Variants in MGA observed in about 807,000 individuals in gnomAD.
The protein encoded by MGA is MAX gene-associated protein.
Under a neutral mutation model 261.1 loss-of-function variants are expected in MGA, and 40 were observed. The observed-to-expected ratio is 0.15, with a 90% CI of 0.12 to 0.20. The LOEUF is 0.20. Among genes scored for constraint, MGA ranks in the 10% least tolerant of loss-of-function variants. MGA has a pLI of 1.00. For missense variants in MGA, 3,397 were observed against 3,630.5 expected, an observed-to-expected ratio of 0.94 and a Z score of 1.65; for synonymous variants, 1,302 against 1,290.6, an observed-to-expected ratio of 1.01 and a Z score of -0.19.
At chr15:41,693,905 G>T (rs1417473167) in intron 2 of MGA, among the ~76,000 whole-genome samples, 1 of 152,100 alleles carries the variant, frequency 6.6e-6, no homozygotes, top group Non-Finnish European at 1.5e-5. Flanking sequence ...GATTATTGGG[G>T]ATATTTAATT....
chr15:41,696,302 A>G lies in MGA; in HGVS notation c.1292A>G (p.Asn431Ser), dbSNP rs764153763. Residue 431 changes from asparagine (N) to serine (S), a missense_variant, in exon 3 of 24, where the codon AAT becomes AGT. Physicochemically the swap from Asn to Ser is conservative, Grantham distance 46. This residue lies in a region of MGA where 563 missense variants were observed against 563.6 expected (regional missense o/e 1.00). Transcript: ENST00000219905. ...CTAGAGAAACAGCTAAAGAGGCACA[A>G]TAAAGTTGACAACCCAGAAGCTGAC... The G allele has an allele frequency of 2.4e-5, 39 of 1,613,812 alleles. No individual in the cohort carries two copies. Among genetic ancestry groups the G allele is most frequent in the Non-Finnish European group, 2.5e-5 (30 of 1,179,898 alleles).
At chr15:41,627,210 A>G (rs1283191135) in intron 1 of MGA, among the ~76,000 whole-genome samples, 4 of 152,158 alleles carry the variant, frequency 2.6e-5, no homozygotes, top group African/African-American at 9.7e-5. Context: ...GCCTATTATA[A>G]TTAAGGAACC....
intron 1 of MGA, among the ~76,000 whole-genome samples, chr15:41,622,095 T>C (rs1434250587): frequency 6.6e-6 from 1 of 152,136 alleles, no homozygotes. Context: ...CCTGTGGTTT[T>C]CCAGCGTCTT....
rs748167733 is a variant in MGA at position 41,668,958 on chromosome 15, C to T, written c.64C>T (p.Pro22Ser). 1.2e-6 allele frequency: 2 copies of T among 1,610,796 alleles called. No individual in the cohort carries two copies. Among genetic ancestry groups the T allele is most frequent in the Non-Finnish European group, 1.7e-6 (2 of 1,177,674 alleles). Residue 22 changes from proline to serine, a missense_variant, in exon 2 of 24, where the codon CCT becomes TCT. Pro to Ser is a moderately conservative substitution (Grantham distance 74, BLOSUM62 -1). Coordinates refer to ENST00000219905, the MANE Select transcript of MGA (RefSeq NM_001164273.2). ...TGGTGGAACAGTGGCAGGAGCAGCA[C>T]CTACCTTCTTTGTCATCTTAAAGCA...
intron 22 of MGA, 37 bp from the exon 23 acceptor site, chr15:41,764,849 C>T (rs368746110): frequency 1.0e-5 from 16 of 1,605,734 alleles, no homozygotes; most frequent in African/African-American, 1.3e-5. Flanking sequence ...CAGCTGAATG[C>T]CTTTTATCTA....
intron 1 of MGA, among the ~76,000 whole-genome samples, chr15:41,626,505 C>T (rs549586610): frequency 1.3e-5 from 2 of 152,242 alleles, no homozygotes; most frequent in South Asian, 4.1e-4. Context: ...TCACTGCAAT[C>T]TCTGCCTCCC....
chr15:41,666,865 A>G (rs2150917204), intron 1 of MGA, among the ~76,000 whole-genome samples: 1 of 152,348 alleles, frequency 6.6e-6, no homozygotes, highest in Middle Eastern at 3.4e-3. Context: ...ATTTAAAATA[A>G]AGTCCTATAG....
chr15:41,704,758 A>C (rs185864827), intron 5 of MGA, among the ~76,000 whole-genome samples: 233 of 152,326 alleles, frequency 1.5e-3, no homozygotes, highest in Non-Finnish European at 2.7e-3. Flanking sequence ...GTGTTTATAG[A>C]ACTATAAACA....
chr15:41,730,906 C>T lies in MGA; in HGVS notation c.3843+1557C>T, dbSNP rs189657932. ...CCAATGCTGTTACCAGGCAAGTAAA[C>T]GCTGAGGCTGTGAAAAGAAGAAACT... On this transcript the variant is annotated intron_variant, in intron 11 of 23. Coordinates refer to ENST00000219905, the MANE Select transcript of MGA (RefSeq NM_001164273.2). Among the ~76,000 whole-genome samples, 11 of 152,182 alleles carry T rather than the reference C, an allele frequency of 7.2e-5. No homozygotes were observed. The South Asian group carries it at 1.7e-3, about 23-fold the overall frequency.
In MGA at chr15:41,727,221, C is replaced by G; in HGVS notation, c.3472C>G (p.Pro1158Ala). ...GCCTGAACAGCCTGTTCGACATTAC[C>G]CATTATGGGTAAAAGTAGAAGGTGA... Residue 1158 changes from proline to alanine, a missense_variant, in exon 10 of 24, where the codon CCA (proline) becomes GCA (alanine). By Grantham distance (27) the Pro-to-Ala change is conservative (BLOSUM62 -1). Transcript: ENST00000219905. The G allele has an allele frequency of 6.2e-7, 1 of 1,613,826 alleles. No individual in the cohort carries two copies. Among genetic ancestry groups the G allele is most frequent in the Non-Finnish European group, 8.5e-7 (1 of 1,179,856 alleles).
In MGA at chr15:41,696,323, C is replaced by G. The variant is rs995091824; in HGVS notation, c.1313C>G (p.Ala438Gly). ...CACAATAAAGTTGACAACCCAGAAG[C>G]TGACCATCTATCTTCTAAATGGCTT... is the stretch of plus-strand genomic sequence containing the variant. The change falls in exon 3 of 24, where the codon GCT becomes GGT. Residue 438 changes from alanine to glycine, a missense_variant. Coordinates refer to ENST00000219905, the MANE Select transcript of MGA (RefSeq NM_001164273.2). The G allele has an allele frequency of 1.2e-6, 2 of 1,613,800 alleles. No homozygotes were observed. Among genetic ancestry groups the G allele is most frequent in the African/African-American group, 2.7e-5 (2 of 74,918 alleles).
rs76922689 is a variant in MGA, at chr15:41,749,557, A to G, written c.5950A>G (p.Ile1984Val). 4.3e-6 allele frequency: 7 copies of G among 1,613,838 alleles called. No individual in the cohort carries two copies. Among genetic ancestry groups the G allele is most frequent in the African/African-American group, 2.7e-5 (2 of 74,930 alleles). The change falls in exon 17 of 24, where the codon ATA (isoleucine) becomes GTA (valine). Residue 1984 changes from isoleucine (I) to valine (V), a missense_variant. Physicochemically the swap from Ile to Val is conservative, Grantham distance 29. Around this residue, in one of 9 missense-constraint regions of MGA, gnomAD observed 1,410 missense variants for 1,386.4 expected, o/e 1.02. Transcript: ENST00000219905. The stretch of plus-strand genomic sequence containing the variant: ...AGACCAGAAAGATGAAACAAACTCA[A>G]TAAAAAGAGAGCAAGAAACGAAGAA...
intron 9 of MGA, among the ~76,000 whole-genome samples, chr15:41,717,238 C>T (rs1369439009): frequency 6.6e-6 from 1 of 152,044 alleles, no homozygotes; most frequent in Admixed American, 6.6e-5. Context: ...TTTGGTTTGT[C>T]AAAAAATACT....
chr15:41,683,330 C>T (rs1246007514), intron 2 of MGA, among the ~76,000 whole-genome samples: 3 of 151,846 alleles, frequency 2.0e-5, no homozygotes, highest in Admixed American at 6.6e-5. Flanking sequence ...TCAAGTGATC[C>T]TCTCACCTCA....
chr15:41,719,390 G>C (rs1047024184), intron 9 of MGA, among the ~76,000 whole-genome samples: 2 of 152,150 alleles, frequency 1.3e-5, no homozygotes, highest in African/African-American at 4.8e-5. Context: ...AAATTGGCAA[G>C]TTTCTAAAAT....
At chr15:41,734,874 A>G (rs1036227720) in intron 12 of MGA, among the ~76,000 whole-genome samples, 5 of 151,366 alleles carry the variant, frequency 3.3e-5, no homozygotes, top group African/African-American at 4.9e-5. Context: ...TTTTTTTTTA[A>G]CCTCTTTCCA....
intron 5 of MGA, among the ~76,000 whole-genome samples, chr15:41,705,362 T>C (rs1305691199): frequency 6.6e-6 from 1 of 151,736 alleles, no homozygotes; most frequent in East Asian, 1.9e-4. Context: ...CTTCTTGAGG[T>C]CTTTTTTTTT....
intron 6 of MGA, 63 bp from the exon 7 acceptor site, chr15:41,708,041 A>T: frequency 7.1e-7 from 1 of 1,407,182 alleles, no homozygotes; most frequent in Non-Finnish European, 9.6e-7. Context: ...TTTATTAATT[A>T]ACTAGGTCCA....
intron 9 of MGA, among the ~76,000 whole-genome samples, chr15:41,718,840 A>G (rs2060794153): frequency 6.6e-6 from 1 of 152,232 alleles, no homozygotes; most frequent in African/African-American, 2.4e-5. Context: ...TTCTCTCCCA[A>G]AGACTGGGAA....
Sources: gnomAD v4.1 joint callset for allele counts (sites outside exome capture counted in the v4.1 genomes callset) on GRCh38, gnomAD v4.1.1 for gene constraint, gnomAD v4.1.1 regional missense constraint, MANE v1.5 for transcripts, NCBI Gene and HGNC (gene_info 2026-07-23, HGNC 2026-07-21) for gene names.